CAPS2: variants seen among roughly 807,000 people sequenced by gnomAD.
The protein encoded by CAPS2 is calcyphosin-2.
Under a neutral mutation model 86.5 loss-of-function variants are expected in CAPS2, and 98 were observed. The observed-to-expected ratio is 1.13, with a 90% CI of 0.96 to 1.34. The LOEUF is 1.34. Among genes scored for constraint, CAPS2 ranks in the 40% most tolerant of loss-of-function variants. The pLI is 0.00. For missense variants in CAPS2, 729 were observed against 686.8 expected (o/e 1.06, Z -0.69); for synonymous variants, 210 against 225.1 (o/e 0.93, Z 0.60).
chr12:75,335,805 A>C (rs2041693620), intron 1 of CAPS2, among the ~76,000 whole-genome samples: 1 of 152,156 alleles, frequency 6.6e-6, no homozygotes, highest in African/African-American at 2.4e-5. Flanking sequence ...TATAATGTTT[A>C]CCAGCTTGGG....
chr12:75,325,229 C>A lies in CAPS2; in HGVS notation c.131+10G>T. Reference sequence around the variant, plus strand: ...ATTAAACAGTCCAAATGTGAAGAAACGTAACTTACACTGGTGGGCAAGAAT... The same window carrying A: ...ATTAAACAGTCCAAATGTGAAGAAAAGTAACTTACACTGGTGGGCAAGAAT... On this transcript the variant is annotated intron_variant, in intron 2 of 16. Coordinates refer to ENST00000393284, the Ensembl canonical transcript of CAPS2. 1 of 1,548,012 alleles carries A rather than the reference C, an allele frequency of 6.5e-7. No homozygotes were observed. The highest frequency in any genetic ancestry group is 8.7e-7 in the Non-Finnish European group (1 of 1,145,568).
At chr12:75,336,710 T>A (rs2041760753) in intron 1 of CAPS2, among the ~76,000 whole-genome samples, 1 of 151,790 alleles carries the variant, frequency 6.6e-6, no homozygotes, top group South Asian at 2.1e-4. Flanking sequence ...ATTTTAATCT[T>A]AGTGAGTAAG....
rs139072362 is a variant in CAPS2, at chr12:75,371,248, A to G, written c.-395+19590T>C. ...CCACTGATGTAAATCCGAGAGTCCA[A>G]AAGACGAAGAACCTGGAGTCTGATG... On this transcript the variant is annotated intron_variant, in intron 1 of 5. Transcript: ENST00000551829. 3.3e-4 allele frequency: 51 copies of G among 153,646 alleles called. 1 individual carries two copies. In the East Asian group the frequency reaches 9.8e-3, roughly 30 times the overall value. The allele number at this position is 153,646 out of a possible 1,614,324, so 9.5% of individuals were successfully genotyped here.
intron 1 of CAPS2, among the ~76,000 whole-genome samples, chr12:75,352,303 G>A (rs918186424): frequency 6.6e-6 from 1 of 152,088 alleles, no homozygotes; most frequent in Non-Finnish European, 1.5e-5. Flanking sequence ...AAGGGATGGA[G>A]GAAAATTTAC....
rs781293004 is a variant in CAPS2, at chr12:75,325,264, T to G, written c.106A>C (p.Thr36Pro). Residue 36 changes from threonine (T) to proline (P), a missense_variant, in exon 2 of 17, where the codon ACA becomes CCA. Physicochemically the swap from Thr to Pro is conservative, Grantham distance 38 (BLOSUM62 -1). Coordinates refer to ENST00000393284, the Ensembl canonical transcript of CAPS2. ...ACTGGTGGGCAAGAATTCTGGTTTG[T>G]CCATGACTCAGAAGTCCACCTTTGC... 25 of 1,549,440 alleles carry G rather than the reference T, an allele frequency of 1.6e-5. No individual in the cohort carries two copies. In the South Asian group the frequency reaches 3.0e-4, roughly 19 times the overall value.
At chr12:75,289,294 A>G (rs758987707) in intron 14 of CAPS2, among the ~76,000 whole-genome samples, 3 of 152,136 alleles carry the variant, frequency 2.0e-5, no homozygotes, top group Non-Finnish European at 4.4e-5. Flanking sequence ...GGAATCAGGT[A>G]CCTACCCCAT....
At chr12:75,368,189 G>A (rs961943182) in intron 1 of CAPS2, among the ~76,000 whole-genome samples, 3 of 151,522 alleles carry the variant, frequency 2.0e-5, no homozygotes, top group African/African-American at 4.8e-5. Context: ...TTTCATTCTC[G>A]TGATAAATCC....
At chr12:75,330,046 G>C, upstream of CAPS2, 1 of 424,106 alleles carries the variant, frequency 2.4e-6, no homozygotes, top group Non-Finnish European at 4.1e-6. Flanking sequence ...AGACAGTCCA[G>C]GCCCGCGTCT....
chr12:75,372,665 T>C (rs983185410), intron 1 of CAPS2, among the ~76,000 whole-genome samples: 4 of 152,166 alleles, frequency 2.6e-5, no homozygotes, highest in African/African-American at 9.7e-5. Flanking sequence ...AGAGCATACA[T>C]AGCTTCTGAA....
At chr12:75,367,430 T>G (rs1002624697) in intron 1 of CAPS2, among the ~76,000 whole-genome samples, 4 of 152,116 alleles carry the variant, frequency 2.6e-5, no homozygotes, top group Non-Finnish European at 4.4e-5. Flanking sequence ...TTAAACTTTT[T>G]GTTAAAAATT....
chr12:75,343,024 T>C (rs891900396), intron 1 of CAPS2, among the ~76,000 whole-genome samples: 9 of 148,736 alleles, frequency 6.1e-5, no homozygotes, highest in Non-Finnish European at 8.8e-5. Context: ...TATAGTATTG[T>C]TTATGTATTA....
chr12:75,337,107 G>A (rs1176638748), intron 1 of CAPS2, among the ~76,000 whole-genome samples: 2 of 151,776 alleles, frequency 1.3e-5, no homozygotes, highest in African/African-American at 4.8e-5. Flanking sequence ...AGCAAAAGAA[G>A]TGTTTGGAAG....
chr12:75,293,265 C>CTATTTGAT lies in CAPS2; in HGVS notation c.1139_1146dup (p.Ala383IlefsTer3), dbSNP rs535656542. 9,800 of 1,600,490 alleles carry CTATTTGAT rather than the reference C, an allele frequency of 6.1e-3. 49 individuals are homozygous for CTATTTGAT. The highest frequency in any genetic ancestry group is 6.6e-3 in the Non-Finnish European group (7,683 of 1,169,568). ...TTAACTTACTTGAGAGAATCCAAAG[C>CTATTTGAT]TATTTGATCAATATTTGTGATTCGG... On this transcript the variant is annotated frameshift_variant, in exon 12 of 17. Transcript: ENST00000393284. LOFTEE classifies it high-confidence loss of function.
At chr12:75,276,849 T>A (rs2033022659), downstream of CAPS2, 1 of 953,570 alleles carries the variant, frequency 1.0e-6, no homozygotes, top group South Asian at 4.9e-5. Flanking sequence ...TATAATTTAA[T>A]ATTTTAACAT....
At chr12:75,367,935 G>C (rs2044094305) in intron 1 of CAPS2, among the ~76,000 whole-genome samples, 1 of 151,950 alleles carries the variant, frequency 6.6e-6, no homozygotes, top group Non-Finnish European at 1.5e-5. Flanking sequence ...TATTTTCATT[G>C]GTCCTCATAG....
upstream of CAPS2, chr12:75,334,780 G>C: frequency 1.2e-6 from 2 of 1,613,550 alleles, no homozygotes; most frequent in Non-Finnish European, 1.7e-6. Context: ...TCTGTGTTTG[G>C]TAGCCACTAC....
chr12:75,329,544 T>A (rs1181409682), upstream of CAPS2, among the ~76,000 whole-genome samples: 10 of 151,938 alleles, frequency 6.6e-5, no homozygotes, highest in Non-Finnish European at 4.4e-5. Context: ...TCGGTAGTAA[T>A]ATTACTGGCT....
At chr12:75,373,714 C>A (rs189785471) in intron 1 of CAPS2, 109 of 153,436 alleles carry the variant, frequency 7.1e-4, no homozygotes, top group African/African-American at 2.5e-3. Context: ...GTCTTCTTTT[C>A]CTCTGCCAAC....
At chr12:75,305,890 C>A in intron 7 of CAPS2, 2 of 817,072 alleles carry the variant, frequency 2.4e-6, no homozygotes, top group Middle Eastern at 2.4e-4. Flanking sequence ...CAGGCTGCAC[C>A]TGAGGCTGTC....
Sources: gnomAD v4.1 joint callset for allele counts (sites outside exome capture counted in the v4.1 genomes callset) on GRCh38, gnomAD v4.1.1 for gene constraint, MANE v1.5 for transcripts, NCBI Gene and HGNC (gene_info 2026-07-23, HGNC 2026-07-21) for gene names.